The following SLC25A21 variants were observed in gnomAD, a reference collection of about 807,000 sequenced individuals.
The protein encoded by SLC25A21 is solute carrier family 25 member 21, also known as mitochondrial 2-oxodicarboxylate carrier.
Under a neutral mutation model 43.8 loss-of-function variants are expected in SLC25A21, and 47 were observed. The observed-to-expected ratio is 1.07, with a 90% CI of 0.85 to 1.37. The LOEUF (loss-of-function observed/expected upper bound fraction) is 1.37, where lower values mean the gene tolerates loss of function less well. SLC25A21 is among the 40% of genes most tolerant of loss of function. The pLI is 0.00. For missense variants in SLC25A21, 352 were observed against 350.2 expected, an observed-to-expected ratio of 1.00 and a Z score of -0.04; for synonymous variants, 131 against 121.3, an observed-to-expected ratio of 1.08 and a Z score of -0.52.
intron 3 of SLC25A21, among the ~76,000 whole-genome samples, chr14:36,752,654 G>C (rs2139262211): frequency 6.6e-6 from 1 of 152,318 alleles, no homozygotes; most frequent in South Asian, 2.1e-4. Context: ...TATTGACATG[G>C]TTTGGCTGTG....
intron 1 of SLC25A21, among the ~76,000 whole-genome samples, chr14:37,105,905 G>A (rs1484687267): frequency 6.6e-6 from 1 of 152,136 alleles, no homozygotes; most frequent in Non-Finnish European, 1.5e-5. Flanking sequence ...GTTTACTGCT[G>A]CAGGAAGTCA....
At chr14:37,040,966 A>G (rs1961459128) in intron 1 of SLC25A21, among the ~76,000 whole-genome samples, 1 of 152,130 alleles carries the variant, frequency 6.6e-6, no homozygotes. Context: ...TGTATGAGAC[A>G]TTCAGAGAAA....
intron 6 of SLC25A21, among the ~76,000 whole-genome samples, chr14:36,719,925 C>A (rs1181777227): frequency 6.6e-6 from 1 of 152,178 alleles, no homozygotes; most frequent in Non-Finnish European, 1.5e-5. Context: ...ACTTGCAGCT[C>A]CAGGACTCCA....
chr14:37,100,862 T>C (rs533390841), intron 1 of SLC25A21, among the ~76,000 whole-genome samples: 2 of 152,330 alleles, frequency 1.3e-5, no homozygotes, highest in South Asian at 2.1e-4. Context: ...TGGGGGGTTG[T>C]AGAACACAAT....
chr14:37,014,979 T>G (rs980310936), intron 1 of SLC25A21, among the ~76,000 whole-genome samples: 2 of 152,124 alleles, frequency 1.3e-5, no homozygotes, highest in Non-Finnish European at 2.9e-5. Context: ...TGTATACAGA[T>G]GTACTGTCAT....
intron 1 of SLC25A21, among the ~76,000 whole-genome samples, chr14:36,955,729 GT>G (rs138729832): frequency 0.38 from 56,770 of 151,272 alleles, 10,753 homozygotes; most frequent in South Asian, 0.47. Flanking sequence ...GCCTAAGGTT[GT>G]TTTTTTTTGT....
At position 36,928,820 on chromosome 14, in the gene SLC25A21, G is replaced by A. The variant is rs76750160; in HGVS notation, c.71-53816C>T. Among the ~76,000 whole-genome samples the A allele has an allele frequency of 7.2e-3, 1,096 of 152,188 alleles. 17 individuals carry two copies. Among genetic ancestry groups the A allele is most frequent in the African/African-American group, 0.024 (1,012 of 41,520 alleles). On this transcript the variant is annotated intron_variant, in intron 1 of 9. Transcript: ENST00000331299. ...CTAAAAAATCATTCTGAAGAAATGT[G>A]AACAGTTTGCCTACTTGTTTAAAGA... is the stretch of plus-strand genomic sequence containing the variant.
At chr14:36,730,082 G>C (rs1490295989) in intron 4 of SLC25A21, among the ~76,000 whole-genome samples, 1 of 152,166 alleles carries the variant, frequency 6.6e-6, no homozygotes, top group Non-Finnish European at 1.5e-5. Context: ...TGATAAACTA[G>C]GGAAGGACTC....
intron 1 of SLC25A21, among the ~76,000 whole-genome samples, chr14:37,152,831 T>C (rs1013907212): frequency 5.9e-5 from 9 of 152,078 alleles, no homozygotes; most frequent in African/African-American, 1.9e-4. Flanking sequence ...ACTAATCAAA[T>C]AGGGGAGAAA....
intron 1 of SLC25A21, among the ~76,000 whole-genome samples, chr14:36,977,962 A>C (rs1035600989): frequency 3.3e-5 from 5 of 151,726 alleles, no homozygotes; most frequent in Admixed American, 1.3e-4. Flanking sequence ...TTTAAAAAAA[A>C]AAAAAGACAA....
At chr14:37,152,696 A>G (rs1963780116) in intron 1 of SLC25A21, among the ~76,000 whole-genome samples, 1 of 152,204 alleles carries the variant, frequency 6.6e-6, no homozygotes, top group Admixed American at 6.5e-5. Flanking sequence ...TGTGTAAAAC[A>G]CAAGAAGAAA....
chr14:37,137,476 A>C (rs975468809), intron 1 of SLC25A21, among the ~76,000 whole-genome samples: 3 of 152,238 alleles, frequency 2.0e-5, no homozygotes, highest in South Asian at 2.1e-4. Flanking sequence ...GCTTAAAAAG[A>C]AGCATAGATA....
In SLC25A21 at chr14:36,733,109, A is replaced by G. The variant is rs914194314; in HGVS notation, c.270+1398T>C. Among the ~76,000 whole-genome samples, 6 of 152,216 alleles carry G rather than the reference A, an allele frequency of 3.9e-5. No homozygotes were observed. The East Asian group carries it at 9.6e-4, about 24-fold the overall frequency. ...TCTTAAAGTTTAAATTGTCTCCAACACATAATATTAAGAAAAAAATATTCC... is the reference window on the plus strand; with the variant it reads ...TCTTAAAGTTTAAATTGTCTCCAACGCATAATATTAAGAAAAAAATATTCC... On this transcript the variant is annotated intron_variant, in intron 4 of 9. Coordinates refer to ENST00000331299, the MANE Select transcript of SLC25A21 (RefSeq NM_030631.4).
chr14:36,730,292 A>G (rs897942091), intron 4 of SLC25A21, among the ~76,000 whole-genome samples: 2 of 152,202 alleles, frequency 1.3e-5, no homozygotes, highest in African/African-American at 4.8e-5. Context: ...ATTGCTTCAT[A>G]TAATACATTT....
At chr14:36,907,444 G>A (rs1211119661) in intron 1 of SLC25A21, among the ~76,000 whole-genome samples, 1 of 152,028 alleles carries the variant, frequency 6.6e-6, no homozygotes, top group African/African-American at 2.4e-5. Context: ...CATTGTGGAT[G>A]CTTATTTTTT....
chr14:37,019,508 A>C (rs557042590), intron 1 of SLC25A21, among the ~76,000 whole-genome samples: 1 of 151,948 alleles, frequency 6.6e-6, no homozygotes, highest in East Asian at 1.9e-4. Context: ...ACATAGCAAT[A>C]ATAAAGGCAT....
intron 3 of SLC25A21, among the ~76,000 whole-genome samples, chr14:36,782,900 T>C (rs997852020): frequency 1.3e-5 from 2 of 149,338 alleles, no homozygotes; most frequent in African/African-American, 5.0e-5. Flanking sequence ...CATGTATACA[T>C]ATGTAACTAA....
At chr14:36,826,841 G>A (rs567397206) in intron 2 of SLC25A21, among the ~76,000 whole-genome samples, 1 of 152,300 alleles carries the variant, frequency 6.6e-6, no homozygotes, top group African/African-American at 2.4e-5. Flanking sequence ...CATAGGCCCA[G>A]GTGGTCACTC....
chr14:36,680,611 A>G lies in SLC25A21; in HGVS notation c.*47T>C, dbSNP rs147459194. On this transcript the variant is annotated 3_prime_UTR_variant, in exon 10 of 10. Coordinates refer to ENST00000331299, the MANE Select transcript of SLC25A21 (RefSeq NM_030631.4). ...TAGTCTCTCTTCTTCATGGTGCTGC[A>G]TAGCAAATATCCATTATCTCAAGGG... 4.5e-5 allele frequency: 73 copies of G among 1,606,742 alleles called. No individual in the cohort carries two copies. The East Asian group carries it at 1.6e-3, about 34-fold the overall frequency.
Sources: allele counts gnomAD v4.1 joint callset (sites outside exome capture counted in the v4.1 genomes callset), GRCh38; gene constraint gnomAD v4.1.1; transcripts MANE v1.5; gene names NCBI Gene and HGNC (gene_info 2026-07-23, HGNC 2026-07-21).